Variants in MANBA observed in about 807,000 individuals in gnomAD.
MANBA encodes the protein mannosidase beta.
Under a neutral mutation model 111.1 loss-of-function variants are expected in MANBA, and 83 were observed. The observed-to-expected ratio is 0.75, with a 90% CI of 0.63 to 0.90. The LOEUF is 0.90. Among genes scored for constraint, MANBA ranks in the 40% least tolerant of loss-of-function variants. The probability of loss-of-function intolerance (pLI) is 0.00; values close to 1 mark genes in which losing one functional copy is unlikely to be tolerated. For synonymous variants in MANBA, 370 were observed against 378.7 expected (o/e 0.98, Z 0.27); for missense variants, 1,036 against 1,069.0 (o/e 0.97, Z 0.43).
intron 11 of MANBA, among the ~76,000 whole-genome samples, chr4:102,662,010 T>G (rs1056377162): frequency 6.6e-6 from 1 of 152,122 alleles, no homozygotes; most frequent in African/African-American, 2.4e-5. Context: ...TTGAAAAAAT[T>G]TACAAACATC....
chr4:102,751,419 C>T (rs997146999), intron 1 of MANBA: 3 of 473,978 alleles, frequency 6.3e-6, no homozygotes, highest in African/African-American at 3.9e-5. Flanking sequence ...GCTCCAAACA[C>T]ATTTCTACAC....
In MANBA at chr4:102,724,370, CA is replaced by C. The variant is rs368347016; in HGVS notation, c.273-404del. On this transcript the variant is annotated intron_variant, in intron 2 of 16. Coordinates refer to ENST00000647097, the MANE Select transcript of MANBA (RefSeq NM_005908.4). ...GTCAGGAGTTCGAGACCATCCTGGC[CA>C]ACATGGCGAAACCCTGTCTCTACTA... 5.3e-5 allele frequency among the ~76,000 whole-genome samples: 8 copies of C among 152,184 alleles called. No individual in the cohort carries two copies. The East Asian group carries it at 1.5e-3, about 29-fold the overall frequency.
At chr4:102,705,897 C>T (rs1401158578) in intron 5 of MANBA, among the ~76,000 whole-genome samples, 1 of 152,206 alleles carries the variant, frequency 6.6e-6, no homozygotes, top group Non-Finnish European at 1.5e-5. Context: ...AAACCTGCAG[C>T]TACTACCACA....
chr4:102,748,568 G>A (rs965417250), intron 1 of MANBA, among the ~76,000 whole-genome samples: 1 of 152,114 alleles, frequency 6.6e-6, no homozygotes, highest in African/African-American at 2.4e-5. Context: ...CTATAGAAGG[G>A]AACTGGACCT....
intron 16 of MANBA, among the ~76,000 whole-genome samples, chr4:102,632,759 A>C (rs735405): frequency 0.55 from 83,505 of 151,748 alleles, 23,401 homozygotes; most frequent in African/African-American, 0.64. Context: ...ATTAGAGCTT[A>C]TCTCTTTTAC....
intron 1 of MANBA, chr4:102,729,266 T>C (rs1160393748): frequency 4.0e-6 from 3 of 752,628 alleles, no homozygotes; most frequent in South Asian, 2.7e-5. Flanking sequence ...TCAGTCTTTG[T>C]ACACTGCAGG....
At chr4:102,664,015 A>G (rs2110215842) in intron 11 of MANBA, among the ~76,000 whole-genome samples, 1 of 152,328 alleles carries the variant, frequency 6.6e-6, no homozygotes, top group East Asian at 1.9e-4. Flanking sequence ...TGTGATATAT[A>G]CCAAAGTCTA....
chr4:102,697,336 C>A (rs1465167769), intron 5 of MANBA, among the ~76,000 whole-genome samples: 1 of 151,566 alleles, frequency 6.6e-6, no homozygotes, highest in Non-Finnish European at 1.5e-5. Context: ...GCAAGACTGA[C>A]AAATCTTTAT....
At chr4:102,658,640 ATAT>A (rs1036320956) in intron 11 of MANBA, among the ~76,000 whole-genome samples, 4 of 152,166 alleles carry the variant, frequency 2.6e-5, no homozygotes, top group Non-Finnish European at 5.9e-5. Flanking sequence ...CGTTTCTGTA[ATAT>A]AGAGCCATCC....
At chr4:102,724,956 T>G (rs1362275788) in intron 2 of MANBA, among the ~76,000 whole-genome samples, 1 of 152,250 alleles carries the variant, frequency 6.6e-6, no homozygotes, top group African/African-American at 2.4e-5. Context: ...ATTATTATGC[T>G]AAGTGAAAGA....
At chr4:102,752,504 G>C in intron 1 of MANBA, 1 of 731,102 alleles carries the variant, frequency 1.4e-6, no homozygotes, top group East Asian at 2.7e-5. Flanking sequence ...ACAAGAAGTT[G>C]TATGATCTGG....
intron 5 of MANBA, among the ~76,000 whole-genome samples, chr4:102,709,606 A>G (rs572408387): frequency 1.4e-4 from 22 of 152,230 alleles, no homozygotes; most frequent in Non-Finnish European, 2.8e-4. Context: ...AAACTATTCC[A>G]AAAATTGAAG....
At chr4:102,682,246 T>C (rs1732020334) in intron 7 of MANBA, among the ~76,000 whole-genome samples, 1 of 151,480 alleles carries the variant, frequency 6.6e-6, no homozygotes. Context: ...TAAGCATACA[T>C]GTATATTATT....
Position 102,716,224 on chromosome 4 carries a change from G to A in MANBA, c.550-1663C>T, listed in dbSNP as rs151144120. Reference sequence around the variant, plus strand: ...CTCAAGAGGCTCAGGCAGGAGAATCGCTTGAACCCGGGAGGCGGAGGTTAT... The same window carrying A: ...CTCAAGAGGCTCAGGCAGGAGAATCACTTGAACCCGGGAGGCGGAGGTTAT... On this transcript the variant is annotated intron_variant, in intron 4 of 16. Transcript: ENST00000647097. Among the ~76,000 whole-genome samples, 750 of 146,192 alleles carry A rather than the reference G, an allele frequency of 5.1e-3. 3 individuals carry two copies. Among genetic ancestry groups the A allele is most frequent in the Non-Finnish European group, 8.5e-3 (574 of 67,498 alleles).
chr4:102,646,373 C>T (rs981667830), intron 13 of MANBA, among the ~76,000 whole-genome samples: 1 of 152,102 alleles, frequency 6.6e-6, no homozygotes, highest in African/African-American at 2.4e-5. Flanking sequence ...TCCAGGGCAG[C>T]AGGTATCATC....
intron 11 of MANBA, among the ~76,000 whole-genome samples, chr4:102,661,836 C>G (rs1730971368): frequency 6.6e-6 from 1 of 152,138 alleles, no homozygotes; most frequent in African/African-American, 2.4e-5. Context: ...ATAAGGTGAT[C>G]CAAGAGAATG....
At chr4:102,702,256 T>G (rs553490281) in intron 5 of MANBA, among the ~76,000 whole-genome samples, 2 of 151,588 alleles carry the variant, frequency 1.3e-5, no homozygotes, top group South Asian at 4.1e-4. Flanking sequence ...TAGTTATACA[T>G]TCGTCTAAAT....
chr4:102,665,974 T>A (rs1731202547), intron 10 of MANBA: 1 of 152,248 alleles, frequency 6.6e-6, no homozygotes, highest in Non-Finnish European at 1.5e-5. Context: ...TTAAGTCTTG[T>A]GTTTTTCTCA....
intron 12 of MANBA, among the ~76,000 whole-genome samples, chr4:102,651,113 A>C (rs1281111841): frequency 6.6e-6 from 1 of 151,926 alleles, no homozygotes; most frequent in Non-Finnish European, 1.5e-5. Context: ...CACTGTTAAA[A>C]CTGTCACAAT....
Sources: allele counts gnomAD v4.1 joint callset (sites outside exome capture counted in the v4.1 genomes callset), GRCh38; gene constraint gnomAD v4.1.1; transcripts MANE v1.5; gene names NCBI Gene and HGNC (gene_info 2026-07-23, HGNC 2026-07-21).